Variants in UBE2D3 observed in about 807,000 individuals in gnomAD.
The protein encoded by UBE2D3 is ubiquitin-conjugating enzyme E2 D3.
UBE2D3 carries 2 observed loss-of-function variants against 22.8 expected under a neutral mutation model. The observed-to-expected ratio is 0.09, with a 90% CI of 0.04 to 0.28. UBE2D3 has a LOEUF of 0.28. UBE2D3 is among the 10% of genes least tolerant of loss of function. The probability of loss-of-function intolerance (pLI) is 1.00; values close to 1 mark genes in which losing one functional copy is unlikely to be tolerated. For synonymous variants in UBE2D3, 56 were observed against 60.4 expected, an observed-to-expected ratio of 0.93 and a Z score of 0.34; for missense variants, 27 against 182.5, an observed-to-expected ratio of 0.15 and a Z score of 4.91.
rs766378736 is a variant in UBE2D3 at position 102,855,804 on chromosome 4, G to C, written c.-129+12911C>G. The stretch of plus-strand genomic sequence containing the variant: ...GTCAACAAGATAGGTAAATAATTTT[G>C]TTCATGTGGGACATGGCAAGGGGGA... On this transcript the variant is annotated intron_variant, in intron 1 of 7. Coordinates refer to the UBE2D3 transcript ENST00000338145. 4.6e-5 allele frequency among the ~76,000 whole-genome samples: 7 copies of C among 152,156 alleles called. No individual in the cohort carries two copies. In the East Asian group the frequency reaches 1.3e-3, roughly 29 times the overall value.
intron 2 of UBE2D3, among the ~76,000 whole-genome samples, chr4:102,818,877 G>C (rs1729143713): frequency 6.6e-6 from 1 of 152,074 alleles, no homozygotes; most frequent in Non-Finnish European, 1.5e-5. Context: ...GTTGATTGTT[G>C]GAGATGTTAA....
At chr4:102,827,959 C>G, upstream of UBE2D3, 1 of 985,508 alleles carries the variant, frequency 1.0e-6, no homozygotes, top group Non-Finnish European at 1.2e-6. Flanking sequence ...ATCGAGGAGA[C>G]GACTCTCGCG....
Position 102,796,115 on chromosome 4 carries a change from A to T in UBE2D3, c.*1300T>A, listed in dbSNP as rs1725246631. On this transcript the variant is annotated 3_prime_UTR_variant, in exon 8 of 8. Coordinates refer to ENST00000453744, the MANE Select transcript of UBE2D3 (RefSeq NM_181891.3). ...TATCCCACATAGATAAGTCACTTCA[A>T]CACAGCCTCATGACAACTCCCACAC... 1 of 152,458 alleles carries T rather than the reference A, an allele frequency of 6.6e-6. No homozygotes were observed. The highest frequency in any genetic ancestry group is 1.5e-5 in the Non-Finnish European group (1 of 67,906). 9.4% of individuals were successfully genotyped at this position (152,458 alleles called of 1,614,324 possible).
chr4:102,826,345 C>G, intron 2 of UBE2D3, 140 bp downstream of exon 2: 1 of 1,091,154 alleles, frequency 9.2e-7, no homozygotes, highest in African/African-American at 1.6e-5. Context: ...AGAAGTATAT[C>G]TGCGTTCTCC....
chr4:102,864,196 G>C (rs987063434), intron 1 of UBE2D3, among the ~76,000 whole-genome samples: 1 of 152,128 alleles, frequency 6.6e-6, no homozygotes, highest in Non-Finnish European at 1.5e-5. Context: ...TATCCTAGTA[G>C]AATCAGAATT....
chr4:102,862,913 G>A (rs1314879157), intron 1 of UBE2D3, among the ~76,000 whole-genome samples: 2 of 152,154 alleles, frequency 1.3e-5, no homozygotes, highest in Non-Finnish European at 2.9e-5. Context: ...GCCAGTATCT[G>A]CTTCTTGTGA....
In UBE2D3 at chr4:102,795,561, G is replaced by A. The variant is rs554189738; in HGVS notation, c.*1854C>T. 8 of 152,126 alleles carry A rather than the reference G, an allele frequency of 5.3e-5. No individual in the cohort carries two copies. The East Asian group carries it at 1.2e-3, about 22-fold the overall frequency. 9.4% of individuals were successfully genotyped at this position (152,126 alleles called of 1,614,324 possible). ...AAAATTCACTCATTGGAAAAACTGC[G>A]TAGCTGGTTTTTTCCCCAATGAAAT... On this transcript the variant is annotated 3_prime_UTR_variant, in exon 8 of 8. Transcript: ENST00000453744.
chr4:102,810,050 T>C, intron 2 of UBE2D3, 195 bp from the exon 3 acceptor site: 1 of 551,004 alleles, frequency 1.8e-6, no homozygotes, highest in Non-Finnish European at 3.2e-6. Flanking sequence ...CTAGAGTTCG[T>C]AAAAATATAT....
In UBE2D3 at chr4:102,853,332, G is replaced by T. The variant is rs1035379470; in HGVS notation, c.-129+15383C>A. Among the ~76,000 whole-genome samples, 43 of 146,738 alleles carry T rather than the reference G, an allele frequency of 2.9e-4. 3 individuals are homozygous for T. Among genetic ancestry groups the T allele is most frequent in the Non-Finnish European group, 1.5e-5 (1 of 67,116 alleles). On this transcript the variant is annotated intron_variant, in intron 1 of 7. Transcript: ENST00000338145. ...TCTTTAACTTAGCAATCTCTTTTCTGTGAATTTATCCAGCAGATATCTTGA... is the reference window on the plus strand; with the variant it reads ...TCTTTAACTTAGCAATCTCTTTTCTTTGAATTTATCCAGCAGATATCTTGA...
upstream of UBE2D3, among the ~76,000 whole-genome samples, chr4:102,831,805 A>G (rs1307676074): frequency 6.6e-6 from 1 of 152,190 alleles, no homozygotes; most frequent in Non-Finnish European, 1.5e-5. Context: ...CGATAAAGAG[A>G]CTTTCATTCG....
At chr4:102,828,585 C>T (rs1387815346), upstream of UBE2D3, among the ~76,000 whole-genome samples, 1 of 152,264 alleles carries the variant, frequency 6.6e-6, no homozygotes, top group Admixed American at 6.5e-5. Flanking sequence ...CAGTCGCTGC[C>T]GTCCGCCAAG....
chr4:102,840,834 A>G (rs1174359325), intron 1 of UBE2D3, among the ~76,000 whole-genome samples: 1 of 152,056 alleles, frequency 6.6e-6, no homozygotes, highest in Non-Finnish European at 1.5e-5. Flanking sequence ...TTATATATCG[A>G]TTTTTTTAAA....
intron 1 of UBE2D3, among the ~76,000 whole-genome samples, chr4:102,835,793 T>C (rs1203938895): frequency 4.7e-5 from 7 of 150,500 alleles, no homozygotes; most frequent in African/African-American, 1.7e-4. Flanking sequence ...TATATACCCA[T>C]GAAGCTCACC....
intron 1 of UBE2D3, among the ~76,000 whole-genome samples, chr4:102,858,260 A>G (rs542629942): frequency 6.6e-6 from 1 of 152,162 alleles, no homozygotes; most frequent in East Asian, 1.9e-4. Context: ...GTGTTATCAT[A>G]CAGCTCAAAA....
At chr4:102,827,268 A>G (rs1157133523) in intron 1 of UBE2D3, 159 bp downstream of exon 1, 27 of 951,030 alleles carry the variant, frequency 2.8e-5, no homozygotes, top group African/African-American at 7.1e-5. Context: ...CTCCTCCTCC[A>G]GCAGGAGAGG....
chr4:102,843,579 T>A (rs749574810), intron 1 of UBE2D3: 1 of 152,218 alleles, frequency 6.6e-6, no homozygotes, highest in Non-Finnish European at 1.5e-5. Context: ...GTCATCATAA[T>A]GAGTTCCCTC....
At chr4:102,824,200 T>C (rs1730077188) in intron 2 of UBE2D3, among the ~76,000 whole-genome samples, 1 of 152,250 alleles carries the variant, frequency 6.6e-6, no homozygotes. Context: ...AGTTTTTATG[T>C]TGTGTCTATA....
At chr4:102,860,038 G>A (rs1232778106) in intron 1 of UBE2D3, among the ~76,000 whole-genome samples, 1 of 151,820 alleles carries the variant, frequency 6.6e-6, no homozygotes, top group African/African-American at 2.4e-5. Flanking sequence ...TAGTAGAGAC[G>A]GCGTTTCACC....
intron 6 of UBE2D3, among the ~76,000 whole-genome samples, 196 bp from the exon 7 acceptor site, chr4:102,799,696 G>C (rs2110247398): frequency 6.6e-6 from 1 of 151,730 alleles, no homozygotes; most frequent in African/African-American, 2.4e-5. Context: ...CTAAAAACAG[G>C]GTTTTGTGGC....
Sources: gnomAD v4.1 joint callset for allele counts (sites outside exome capture counted in the v4.1 genomes callset) on GRCh38, gnomAD v4.1.1 for gene constraint, MANE v1.5 for transcripts, NCBI Gene and HGNC (gene_info 2026-07-23, HGNC 2026-07-21) for gene names.